The following CCSER2 variants were observed in gnomAD, a reference collection of about 807,000 sequenced individuals.
The protein encoded by CCSER2 is coiled-coil serine rich protein 2.
A neutral mutation model predicts 92.3 loss-of-function variants in CCSER2; 46 were observed. The observed-to-expected ratio is 0.50, with a 90% CI of 0.39 to 0.64. CCSER2 has a LOEUF of 0.64. Among genes scored for constraint, CCSER2 ranks in the 30% least tolerant of loss-of-function variants. The pLI is 0.00. For synonymous variants in CCSER2, 433 were observed against 431.4 expected (o/e 1.00, Z -0.04); for missense variants, 1,244 against 1,238.9 (o/e 1.00, Z -0.06).
intron 1 of CCSER2, among the ~76,000 whole-genome samples, chr10:84,347,797 C>T (rs1214091055): frequency 6.6e-6 from 1 of 150,810 alleles, no homozygotes; most frequent in African/African-American, 2.4e-5. Flanking sequence ...GACAGAGACG[C>T]TCCTCACCTC....
intron 3 of CCSER2, among the ~76,000 whole-genome samples, chr10:84,393,453 T>G (rs1841643207): frequency 6.6e-6 from 1 of 152,228 alleles, no homozygotes. Context: ...CTCAACATAC[T>G]GCCTTCTAAG....
intron 1 of CCSER2, among the ~76,000 whole-genome samples, chr10:84,335,001 C>T (rs1230400881): frequency 6.6e-6 from 1 of 152,144 alleles, no homozygotes; most frequent in Non-Finnish European, 1.5e-5. Flanking sequence ...TCCCTGCCAT[C>T]GCTGCTCCCA....
chr10:84,341,343 C>CTTTTTTTT (rs35558044), intron 1 of CCSER2, among the ~76,000 whole-genome samples: 2 of 94,304 alleles, frequency 2.1e-5, no homozygotes, highest in African/African-American at 5.2e-5. Flanking sequence ...CTTTGTAACT[C>CTTTTTTTT]TTTTTTTTTT....
intron 9 of CCSER2, among the ~76,000 whole-genome samples, chr10:84,489,000 A>G (rs557179274): frequency 1.3e-5 from 2 of 152,330 alleles, no homozygotes; most frequent in East Asian, 3.9e-4. Context: ...TTATGTACCC[A>G]GTAGTCATTC....
intron 6 of CCSER2, among the ~76,000 whole-genome samples, chr10:84,460,783 C>T (rs1846060996): frequency 6.6e-6 from 1 of 151,988 alleles, no homozygotes; most frequent in South Asian, 2.1e-4. Flanking sequence ...ATTATTATTG[C>T]TTTATTTACT....
chr10:84,463,177 G>A (rs1846202058), intron 6 of CCSER2, among the ~76,000 whole-genome samples: 1 of 152,172 alleles, frequency 6.6e-6, no homozygotes, highest in Non-Finnish European at 1.5e-5. Context: ...TATTTATAAT[G>A]TTTTGGAACA....
chr10:84,473,738 T>C (rs952575988), intron 8 of CCSER2, among the ~76,000 whole-genome samples: 2 of 152,048 alleles, frequency 1.3e-5, no homozygotes, highest in Non-Finnish European at 2.9e-5. Context: ...AGGAAAAAAA[T>C]CAGAAGAATC....
chr10:84,431,569 G>A (rs569537414), intron 5 of CCSER2, among the ~76,000 whole-genome samples: 21 of 151,932 alleles, frequency 1.4e-4, no homozygotes, highest in Non-Finnish European at 2.2e-4. Context: ...TTGAGTCCTC[G>A]TTTTGACAAA....
At position 84,419,620 on chromosome 10, in the gene CCSER2, G is replaced by A. The variant is rs191150881; in HGVS notation, c.1705+1759G>A. On this transcript the variant is annotated intron_variant, in intron 4 of 9. Transcript: ENST00000372088. Reference sequence around the variant, plus strand: ...TCCACCACTGTCTCACAGAGACAGAGAATGTTACACCTTTTTGTGGTTCTG... The same window carrying A: ...TCCACCACTGTCTCACAGAGACAGAAAATGTTACACCTTTTTGTGGTTCTG... Among the ~76,000 whole-genome samples the A allele has an allele frequency of 5.5e-4, 84 of 152,302 alleles. No homozygotes were observed. In the East Asian group the frequency reaches 0.014, roughly 25 times the overall value.
intron 9 of CCSER2, among the ~76,000 whole-genome samples, chr10:84,479,827 T>C (rs2133752033): frequency 6.6e-6 from 1 of 152,210 alleles, no homozygotes; most frequent in Admixed American, 6.5e-5. Context: ...GCTTTTCTTT[T>C]GAATGGTTGC....
intron 1 of CCSER2, among the ~76,000 whole-genome samples, chr10:84,368,974 T>C (rs1010006847): frequency 6.6e-6 from 1 of 152,196 alleles, no homozygotes; most frequent in East Asian, 1.9e-4. Flanking sequence ...TTCAGAATAA[T>C]GGCCTCCATC....
At chr10:84,507,572 C>T (rs1373694259) in intron 9 of CCSER2, among the ~76,000 whole-genome samples, 2 of 152,106 alleles carry the variant, frequency 1.3e-5, no homozygotes, top group Non-Finnish European at 2.9e-5. Context: ...AGCATTATTA[C>T]ACTTTAGAAC....
At chr10:84,508,895 G>A (rs1185181859) in intron 9 of CCSER2, among the ~76,000 whole-genome samples, 1 of 152,152 alleles carries the variant, frequency 6.6e-6, no homozygotes, top group Non-Finnish European at 1.5e-5. Context: ...TATGTGCTAG[G>A]AAGTCCTATG....
intron 7 of CCSER2, among the ~76,000 whole-genome samples, chr10:84,467,627 A>G (rs998073512): frequency 6.6e-6 from 1 of 152,196 alleles, no homozygotes; most frequent in Non-Finnish European, 1.5e-5. Context: ...TTCTGGCTCC[A>G]TCATGTCCCC....
intron 7 of CCSER2, among the ~76,000 whole-genome samples, chr10:84,465,662 A>G (rs1217206507): frequency 1.3e-5 from 2 of 152,078 alleles, no homozygotes; most frequent in Non-Finnish European, 2.9e-5. Flanking sequence ...ATTAATTCCA[A>G]CATTTTTACA....
chr10:84,452,537 A>ACTGT (rs1462173847), intron 6 of CCSER2, among the ~76,000 whole-genome samples: 2 of 152,236 alleles, frequency 1.3e-5, no homozygotes, highest in African/African-American at 2.4e-5. Flanking sequence ...CTAACTAGAA[A>ACTGT]CTGTAGAGAC....
chr10:84,372,536 A>G, intron 2 of CCSER2, 67 bp downstream of exon 2: 1 of 921,648 alleles, frequency 1.1e-6, no homozygotes, highest in East Asian at 2.5e-5. Context: ...TACATTTAGG[A>G]TTATCTTCAG....
At chr10:84,331,958 C>T (rs140923938) in intron 1 of CCSER2, among the ~76,000 whole-genome samples, 345 of 152,064 alleles carry the variant, frequency 2.3e-3, no homozygotes, top group African/African-American at 5.8e-3. Context: ...CAGATAATGC[C>T]GTTAGTATAT....
At chr10:84,329,643 A>C (rs1843450947) in intron 1 of CCSER2, among the ~76,000 whole-genome samples, 1 of 151,802 alleles carries the variant, frequency 6.6e-6, no homozygotes, top group Non-Finnish European at 1.5e-5. Context: ...TCATTTGGCC[A>C]GTTGTTTTTT....
Sources: allele counts gnomAD v4.1 joint callset (sites outside exome capture counted in the v4.1 genomes callset), GRCh38; gene constraint gnomAD v4.1.1; transcripts MANE v1.5; gene names NCBI Gene and HGNC (gene_info 2026-07-23, HGNC 2026-07-21).